LOXL2: variants seen among roughly 807,000 people sequenced by gnomAD.
LOXL2 encodes lysyl oxidase like 2.
Under a neutral mutation model 93.0 loss-of-function variants are expected in LOXL2, and 70 were observed. The observed-to-expected ratio is 0.75, with a 90% CI of 0.62 to 0.92. The LOEUF is 0.92. Ranked by LOEUF, LOXL2 falls within the 40% of genes least tolerant of loss-of-function variation. LOXL2 has a pLI of 0.00. For synonymous variants in LOXL2, 438 were observed against 413.2 expected (o/e 1.06, Z -0.73); for missense variants, 973 against 1,054.9 (o/e 0.92, Z 1.08).
rs114415007 is a variant in LOXL2, at chr8:23,344,293, G to A, written c.532-3090C>T. On this transcript the variant is annotated intron_variant, in intron 3 of 13. Coordinates refer to ENST00000389131, the MANE Select transcript of LOXL2 (RefSeq NM_002318.3). The stretch of plus-strand genomic sequence containing the variant: ...CTGGAGAAGAGAAAGGGCTAGCACC[G>A]GGGGTCATTATCCTCATTCTTCCAC... Among the ~76,000 whole-genome samples, 1,294 of 152,302 alleles carry A rather than the reference G, an allele frequency of 8.5e-3. 22 individuals are homozygous for A. Among genetic ancestry groups the A allele is most frequent in the African/African-American group, 0.03 (1,243 of 41,550 alleles).
intron 12 of LOXL2, among the ~76,000 whole-genome samples, chr8:23,300,372 G>T (rs565905544): frequency 4.6e-5 from 7 of 152,326 alleles, no homozygotes; most frequent in Admixed American, 4.6e-4. Context: ...CGGATAAAGC[G>T]GGGCCACCAG....
chr8:23,311,795 CATA>C (rs1208803276), intron 9 of LOXL2, among the ~76,000 whole-genome samples: 2 of 152,178 alleles, frequency 1.3e-5, no homozygotes, highest in Non-Finnish European at 2.9e-5. Context: ...ATATTCAGCA[CATA>C]ATAATTACTA....
chr8:23,381,325 G>T (rs1804678035), intron 1 of LOXL2, among the ~76,000 whole-genome samples: 1 of 151,956 alleles, frequency 6.6e-6, no homozygotes, highest in Admixed American at 6.6e-5. Flanking sequence ...GCACAATCTT[G>T]GTATAAATTC....
At chr8:23,323,235 G>A (rs561180799) in intron 6 of LOXL2, among the ~76,000 whole-genome samples, 1 of 152,322 alleles carries the variant, frequency 6.6e-6, no homozygotes, top group African/African-American at 2.4e-5. Flanking sequence ...ACAAGGCACC[G>A]ATCCTAATCA....
intron 1 of LOXL2, among the ~76,000 whole-genome samples, chr8:23,401,335 G>C (rs529370564): frequency 6.6e-6 from 1 of 151,976 alleles, no homozygotes; most frequent in Non-Finnish European, 1.5e-5. Context: ...ACATTTTGAG[G>C]AAAATTGGGA....
At chr8:23,324,034 A>G (rs991007724) in intron 6 of LOXL2, among the ~76,000 whole-genome samples, 6 of 152,208 alleles carry the variant, frequency 3.9e-5, no homozygotes, top group Non-Finnish European at 8.8e-5. Flanking sequence ...GCCACTTGAC[A>G]TGAACTCCTG....
chr8:23,363,718 C>G (rs944224751), intron 2 of LOXL2: 3 of 152,216 alleles, frequency 2.0e-5, no homozygotes, highest in Admixed American at 6.5e-5. Flanking sequence ...AAGAGCTGCT[C>G]TCTTATGAAA....
Position 23,384,562 on chromosome 8 carries a change from CCTAT to C in LOXL2, c.-83-16132_-83-16129del, listed in dbSNP as rs370628889. 1.9e-3 allele frequency among the ~76,000 whole-genome samples: 293 copies of C among 152,260 alleles called. 2 individuals are homozygous for C. Among genetic ancestry groups the C allele is most frequent in the African/African-American group, 6.7e-3 (280 of 41,548 alleles). On this transcript the variant is annotated intron_variant, in intron 1 of 13. Coordinates refer to ENST00000389131, the MANE Select transcript of LOXL2 (RefSeq NM_002318.3). ...TCGAGGAGTTGGACAGACTTCATTC[CCTAT>C]CTGAGTCCATTTCCAAATAGATGTC...
Position 23,309,797 on chromosome 8 carries a change from GC to G in LOXL2, c.1750del (p.Ala584ProfsTer58). 1 of 1,604,120 alleles carries G rather than the reference GC, an allele frequency of 6.2e-7. No individual in the cohort carries two copies. The highest frequency in any genetic ancestry group is 8.5e-7 in the Non-Finnish European group (1 of 1,175,604). Reference protein sequence around the residue: ...AMEENCLSASAAQTDPTTGYR... With the variant: ...AMEENCLSASXAQTDPTTGYR... ...GCCCGTGGTGGGGTCGGTCTGCGCG[GC>G]TGAGGCCGAGAGGCAGTTCTCCTCC... On this transcript the variant is annotated frameshift_variant, in exon 10 of 14. Coordinates refer to ENST00000389131, the MANE Select transcript of LOXL2 (RefSeq NM_002318.3). LOFTEE classifies it high-confidence loss of function.
chr8:23,384,056 T>C (rs1031133590), intron 1 of LOXL2, among the ~76,000 whole-genome samples: 1 of 152,338 alleles, frequency 6.6e-6, no homozygotes, highest in Non-Finnish European at 1.5e-5. Flanking sequence ...ACCCGTGCCC[T>C]TCAAAACAGC....
At chr8:23,319,524 T>G (rs931158723) in intron 8 of LOXL2, among the ~76,000 whole-genome samples, 1 of 152,052 alleles carries the variant, frequency 6.6e-6, no homozygotes, top group Admixed American at 6.5e-5. Flanking sequence ...GGTCACCACC[T>G]CCCCGAAGGA....
At chr8:23,365,211 C>T (rs946716651) in intron 2 of LOXL2, 1 of 152,360 alleles carries the variant, frequency 6.6e-6, no homozygotes, top group Non-Finnish European at 1.5e-5. Context: ...GAGGGGCAGT[C>T]TTATCCACGG....
At chr8:23,314,384 G>C (rs1407824986) in intron 9 of LOXL2, among the ~76,000 whole-genome samples, 3 of 142,410 alleles carry the variant, frequency 2.1e-5, no homozygotes, top group African/African-American at 7.7e-5. Context: ...CAAAGACTTG[G>C]AACCAACCCA....
chr8:23,398,230 T>A (rs1186730885), intron 1 of LOXL2, among the ~76,000 whole-genome samples: 2 of 151,264 alleles, frequency 1.3e-5, no homozygotes, highest in African/African-American at 4.9e-5. Context: ...ATAAGTTATC[T>A]TGTCGTAAGT....
chr8:23,393,941 C>T (rs749196430), intron 1 of LOXL2, among the ~76,000 whole-genome samples: 6 of 151,938 alleles, frequency 3.9e-5, no homozygotes, highest in East Asian at 1.9e-4. Context: ...ACAGAATAGA[C>T]GTTGAATAAA....
chr8:23,339,773 A>G (rs1442512253), intron 4 of LOXL2, among the ~76,000 whole-genome samples: 2 of 152,224 alleles, frequency 1.3e-5, no homozygotes, highest in African/African-American at 4.8e-5. Flanking sequence ...GGTCTGGGCC[A>G]TGTCTGGGGA....
chr8:23,312,226 A>G (rs1803329722), intron 9 of LOXL2, among the ~76,000 whole-genome samples: 1 of 151,464 alleles, frequency 6.6e-6, no homozygotes, highest in Admixed American at 6.6e-5. Context: ...AGGTATAAGG[A>G]GGAACTGGTA....
At chr8:23,298,558 T>TA (rs1451110694) in intron 13 of LOXL2, among the ~76,000 whole-genome samples, 1 of 152,174 alleles carries the variant, frequency 6.6e-6, no homozygotes, top group East Asian at 1.9e-4. Context: ...GTCACATACA[T>TA]AATGAGCCAG....
chr8:23,349,502 T>A (rs1469528565), intron 3 of LOXL2, among the ~76,000 whole-genome samples: 1 of 152,088 alleles, frequency 6.6e-6, no homozygotes, highest in Non-Finnish European at 1.5e-5. Context: ...TGTCATGTGG[T>A]CCCTAATCTA....
Sources: gnomAD v4.1 joint callset for allele counts (sites outside exome capture counted in the v4.1 genomes callset) on GRCh38, gnomAD v4.1.1 for gene constraint, MANE v1.5 for transcripts, NCBI Gene and HGNC (gene_info 2026-07-23, HGNC 2026-07-21) for gene names.